Variants in ARMC8 observed in about 807,000 individuals in gnomAD.
ARMC8 encodes the protein armadillo repeat-containing protein 8.
A neutral mutation model predicts 99.3 loss-of-function variants in ARMC8; 20 were observed. The ratio of observed to expected loss-of-function variants is 0.20; its 90% CI spans 0.14 to 0.29. ARMC8 has a LOEUF of 0.29. ARMC8 is among the 10% of genes least tolerant of loss of function. The pLI, the probability that ARMC8 is intolerant of heterozygous loss-of-function variation, is 1.00. For synonymous variants in ARMC8, 263 were observed against 278.3 expected, an observed-to-expected ratio of 0.95 and a Z score of 0.55; for missense variants, 569 against 809.5, an observed-to-expected ratio of 0.70 and a Z score of 3.60.
intron 12 of ARMC8, among the ~76,000 whole-genome samples, chr3:138,253,937 T>G (rs1393353122): frequency 3.3e-5 from 5 of 152,190 alleles, no homozygotes; most frequent in Non-Finnish European, 7.3e-5. Context: ...CTATTATGAA[T>G]GAGTCTGGAA....
intron 12 of ARMC8, chr3:138,246,016 A>G: frequency 1.0e-6 from 1 of 985,364 alleles, no homozygotes; most frequent in Non-Finnish European, 1.2e-6. Context: ...ATGATGATTT[A>G]CTAAATCTCT....
intron 2 of ARMC8, among the ~76,000 whole-genome samples, chr3:138,212,558 C>T (rs1033019818): frequency 2.6e-5 from 4 of 152,058 alleles, no homozygotes; most frequent in South Asian, 2.1e-4. Flanking sequence ...ATCCACCTCT[C>T]GGCCTCCCAA....
At chr3:138,255,246 A>T (rs1181779239) in intron 12 of ARMC8, among the ~76,000 whole-genome samples, 7 of 126,678 alleles carry the variant, frequency 5.5e-5, no homozygotes, top group Admixed American at 1.1e-4. Context: ...TCTGTTGCCC[A>T]GGCTGGAGTG....
At chr3:138,211,538 G>A (rs1333976971) in intron 2 of ARMC8, among the ~76,000 whole-genome samples, 2 of 152,252 alleles carry the variant, frequency 1.3e-5, no homozygotes, top group African/African-American at 4.8e-5. Context: ...CAGCTAAAAT[G>A]TAGTTTGATA....
chr3:138,220,060 G>A (rs1449194822), intron 2 of ARMC8, among the ~76,000 whole-genome samples: 1 of 152,110 alleles, frequency 6.6e-6, no homozygotes, highest in Non-Finnish European at 1.5e-5. Context: ...AGTAGGTAGG[G>A]GCTGGATAAA....
chr3:138,212,599 G>A (rs760619869), intron 2 of ARMC8, among the ~76,000 whole-genome samples: 1 of 152,090 alleles, frequency 6.6e-6, no homozygotes, highest in East Asian at 1.9e-4. Flanking sequence ...GAGCCACCGC[G>A]CCTGGCCTAA....
intron 1 of ARMC8, among the ~76,000 whole-genome samples, chr3:138,199,260 C>T (rs188116977): frequency 5.9e-5 from 9 of 152,198 alleles, no homozygotes; most frequent in Non-Finnish European, 8.8e-5. Flanking sequence ...CTCATCAAGT[C>T]CTAATGGGGC....
At chr3:138,202,449 G>A (rs2044136747) in intron 1 of ARMC8, among the ~76,000 whole-genome samples, 1 of 152,180 alleles carries the variant, frequency 6.6e-6, no homozygotes, top group African/African-American at 2.4e-5. Flanking sequence ...AACCATGAAT[G>A]TGAATAACTG....
rs148399057 is a variant in ARMC8, at chr3:138,208,026, T to C, written c.46-1791T>C. 7.4e-4 allele frequency among the ~76,000 whole-genome samples: 112 copies of C among 151,780 alleles called. 1 individual carries two copies. Among genetic ancestry groups the C allele is most frequent in the African/African-American group, 2.4e-3 (101 of 41,404 alleles). ...CCTGTAGTCAAGTTACTTGGGAGGCTGAGATGAGAGTATTCCTTGAGCCCA... is the reference window on the plus strand; with the variant it reads ...CCTGTAGTCAAGTTACTTGGGAGGCCGAGATGAGAGTATTCCTTGAGCCCA... On this transcript the variant is annotated intron_variant, in intron 1 of 21. Transcript: ENST00000469044.
At chr3:138,224,700 A>G (rs1433514761) in intron 5 of ARMC8, among the ~76,000 whole-genome samples, 1 of 152,186 alleles carries the variant, frequency 6.6e-6, no homozygotes, top group Non-Finnish European at 1.5e-5. Context: ...CAGTGATCTG[A>G]GATCACACCA....
intron 6 of ARMC8, among the ~76,000 whole-genome samples, chr3:138,231,841 T>C (rs2046052720): frequency 6.6e-6 from 1 of 150,774 alleles, no homozygotes; most frequent in African/African-American, 2.4e-5. Flanking sequence ...GGATGCTGCC[T>C]CACTAACCAC....
chr3:138,246,665 G>A, intron 12 of ARMC8: 5 of 985,652 alleles, frequency 5.1e-6, no homozygotes, highest in Non-Finnish European at 6.0e-6. Context: ...ATGGGAAATA[G>A]GATGTCCATT....
intron 2 of ARMC8, 123 bp from the exon 3 acceptor site, chr3:138,221,803 G>C (rs2045412048): frequency 5.7e-6 from 4 of 704,896 alleles, no homozygotes; most frequent in Middle Eastern, 2.6e-4. Flanking sequence ...AGTACTTTAG[G>C]TGAAAAAAGG....
chr3:138,218,664 T>A (rs1348427335), intron 2 of ARMC8, among the ~76,000 whole-genome samples: 2 of 152,182 alleles, frequency 1.3e-5, no homozygotes, highest in Admixed American at 6.5e-5. Context: ...TAGTACTGAC[T>A]TACATTGATA....
chr3:138,240,565 T>C (rs766103047), intron 10 of ARMC8, among the ~76,000 whole-genome samples: 8 of 152,218 alleles, frequency 5.3e-5, no homozygotes, highest in Admixed American at 1.3e-4. Flanking sequence ...TCAATAAATA[T>C]TAGTAACTAG....
chr3:138,274,638 CAG>C (rs1375556374), intron 18 of ARMC8, 94 bp downstream of exon 18: 10 of 906,522 alleles, frequency 1.1e-5, no homozygotes, highest in African/African-American at 1.7e-5. Flanking sequence ...CTGCAGAAGA[CAG>C]AGTGCTGAGA....
At chr3:138,222,750 T>C (rs1376495629) in intron 3 of ARMC8, among the ~76,000 whole-genome samples, 1 of 152,232 alleles carries the variant, frequency 6.6e-6, no homozygotes, top group Admixed American at 6.5e-5. Flanking sequence ...ATGTTTGGTA[T>C]ATATAAATAG....
At chr3:138,232,717 A>T (rs985466102) in intron 6 of ARMC8, among the ~76,000 whole-genome samples, 1 of 152,224 alleles carries the variant, frequency 6.6e-6, no homozygotes, top group Non-Finnish European at 1.5e-5. Flanking sequence ...GGTTTAGAGC[A>T]GTGTATATAG....
intron 1 of ARMC8, 172 bp downstream of exon 1, chr3:138,187,771 G>A (rs2043147820): frequency 7.2e-6 from 5 of 690,728 alleles, no homozygotes; most frequent in Non-Finnish European, 1.2e-5. Context: ...CGGGCAGAGG[G>A]GACCGCGGCC....
Sources: gnomAD v4.1 joint callset for allele counts (sites outside exome capture counted in the v4.1 genomes callset) on GRCh38, gnomAD v4.1.1 for gene constraint, MANE v1.5 for transcripts, NCBI Gene and HGNC (gene_info 2026-07-23, HGNC 2026-07-21) for gene names.